Variants in MARCHF3 observed in about 807,000 individuals in gnomAD.
MARCHF3 encodes membrane associated ring-CH-type finger 3, also known as E3 ubiquitin-protein ligase MARCHF3.
In MARCHF3, 13 loss-of-function variants were observed where a neutral mutation model predicts 24.2. The ratio of observed to expected loss-of-function variants is 0.54; its 90% confidence interval spans 0.35 to 0.85. The LOEUF is 0.85. Among genes scored for constraint, MARCHF3 ranks in the 40% least tolerant of loss-of-function variants. The probability of loss-of-function intolerance (pLI) is 0.01; values close to 1 mark genes in which losing one functional copy is unlikely to be tolerated. For synonymous variants in MARCHF3, 144 were observed against 137.3 expected (o/e 1.05, Z -0.34); for missense variants, 276 against 325.0 (o/e 0.85, Z 1.16).
At chr5:126,955,648 T>A (rs1275849427) in intron 1 of MARCHF3, among the ~76,000 whole-genome samples, 1 of 152,214 alleles carries the variant, frequency 6.6e-6, no homozygotes, top group African/African-American at 2.4e-5. Flanking sequence ...CCCATTTCTG[T>A]AGTAAGTTGT....
At chr5:126,917,863 A>C in intron 2 of MARCHF3, 121 bp downstream of exon 2, 1 of 924,770 alleles carries the variant, frequency 1.1e-6, no homozygotes. Context: ...TTTTTTTTCC[A>C]GCACCTCCTC....
chr5:126,921,339 G>A (rs1224528986), intron 1 of MARCHF3, among the ~76,000 whole-genome samples: 3 of 151,298 alleles, frequency 2.0e-5, no homozygotes, highest in Non-Finnish European at 4.4e-5. Flanking sequence ...CTCAGGTGGC[G>A]GAGGAGGAAA....
intron 1 of MARCHF3, among the ~76,000 whole-genome samples, chr5:126,924,508 G>T (rs182429506): frequency 6.6e-6 from 1 of 152,232 alleles, no homozygotes; most frequent in Non-Finnish European, 1.5e-5. Context: ...TAGGGATGCC[G>T]CTCTTTGATA....
intron 3 of MARCHF3, among the ~76,000 whole-genome samples, chr5:126,911,430 G>T (rs1754528061): frequency 1.3e-5 from 2 of 152,098 alleles, no homozygotes; most frequent in African/African-American, 4.8e-5. Flanking sequence ...TTCTCAGACT[G>T]GCCGACACTT....
At chr5:126,877,482 T>C (rs995472368) in intron 4 of MARCHF3, among the ~76,000 whole-genome samples, 16 of 152,176 alleles carry the variant, frequency 1.1e-4, no homozygotes, top group African/African-American at 3.6e-4. Context: ...TTGTGGGTGC[T>C]GTCAACTGGT....
At chr5:126,908,695 T>C (rs931860803) in intron 3 of MARCHF3, among the ~76,000 whole-genome samples, 2 of 150,602 alleles carry the variant, frequency 1.3e-5, no homozygotes, top group Admixed American at 6.6e-5. Flanking sequence ...CACTTCTCTG[T>C]ATTGGTTATT....
At chr5:126,892,820 G>A (rs1301105056) in intron 3 of MARCHF3, among the ~76,000 whole-genome samples, 2 of 150,900 alleles carry the variant, frequency 1.3e-5, no homozygotes, top group African/African-American at 2.5e-5. Flanking sequence ...AGTTAGGGAG[G>A]ATTCCCTCTT....
chr5:126,921,818 A>G (rs1361142937), intron 1 of MARCHF3, among the ~76,000 whole-genome samples: 1 of 152,210 alleles, frequency 6.6e-6, no homozygotes, highest in Non-Finnish European at 1.5e-5. Context: ...GCTGAGAATA[A>G]AACATGATTT....
At chr5:126,958,060 G>T (rs1750505820) in intron 1 of MARCHF3, among the ~76,000 whole-genome samples, 1 of 151,926 alleles carries the variant, frequency 6.6e-6, no homozygotes, top group African/African-American at 2.4e-5. Flanking sequence ...GAAAGCTATT[G>T]ATTTTAGTTT....
chr5:126,978,333 G>A (rs972217125), intron 1 of MARCHF3, among the ~76,000 whole-genome samples: 1 of 152,144 alleles, frequency 6.6e-6, no homozygotes, highest in Non-Finnish European at 1.5e-5. Context: ...CCGATAATTA[G>A]GTCCCATGCA....
chr5:126,944,209 G>T (rs1749932843), intron 1 of MARCHF3, among the ~76,000 whole-genome samples: 1 of 152,154 alleles, frequency 6.6e-6, no homozygotes, highest in Admixed American at 6.5e-5. Context: ...CCTTTCCCAA[G>T]ATACTGTCAG....
chr5:126,929,484 A>G (rs1031856760), intron 1 of MARCHF3, among the ~76,000 whole-genome samples: 1 of 152,246 alleles, frequency 6.6e-6, no homozygotes, highest in Admixed American at 6.5e-5. Context: ...CTATCCAATT[A>G]TGCTTTTCCA....
intron 3 of MARCHF3, among the ~76,000 whole-genome samples, chr5:126,879,227 C>T (rs1433910386): frequency 6.6e-6 from 1 of 152,182 alleles, no homozygotes; most frequent in Non-Finnish European, 1.5e-5. Flanking sequence ...CTGGACTTCA[C>T]CCCATGCACC....
At chr5:126,965,021 T>TG (rs2126824962) in intron 1 of MARCHF3, among the ~76,000 whole-genome samples, 1 of 101,508 alleles carries the variant, frequency 9.9e-6, no homozygotes, top group South Asian at 2.9e-4. Flanking sequence ...ATGTTCTTAG[T>TG]AAAAAAAAAA....
At chr5:126,873,303 A>G (rs1753034796) in intron 4 of MARCHF3, among the ~76,000 whole-genome samples, 1 of 152,176 alleles carries the variant, frequency 6.6e-6, no homozygotes, top group Non-Finnish European at 1.5e-5. Context: ...AACACCTAGC[A>G]CAGGGCACAG....
At chr5:126,966,678 A>G (rs559217212) in intron 1 of MARCHF3, among the ~76,000 whole-genome samples, 1 of 152,072 alleles carries the variant, frequency 6.6e-6, no homozygotes, top group Admixed American at 6.5e-5. Flanking sequence ...TTACTTCCAT[A>G]TACCTTAAAT....
At chr5:126,916,019 A>G (rs750072408) in intron 2 of MARCHF3, among the ~76,000 whole-genome samples, 6 of 152,246 alleles carry the variant, frequency 3.9e-5, no homozygotes, top group East Asian at 1.9e-4. Flanking sequence ...GTGAAAAGAT[A>G]GCCCAGATTA....
chr5:126,926,187 G>A (rs1267356080), intron 1 of MARCHF3, among the ~76,000 whole-genome samples: 1 of 152,166 alleles, frequency 6.6e-6, no homozygotes, highest in Non-Finnish European at 1.5e-5. Flanking sequence ...GCCTCCAGAA[G>A]CCTAGAATAA....
intron 1 of MARCHF3, among the ~76,000 whole-genome samples, chr5:126,973,522 T>C (rs975242377): frequency 1.3e-5 from 2 of 152,202 alleles, no homozygotes; most frequent in Admixed American, 1.3e-4. Context: ...TCAGACCACA[T>C]CTGAGCTCAC....
Sources: gnomAD v4.1 joint callset for allele counts (sites outside exome capture counted in the v4.1 genomes callset) on GRCh38, gnomAD v4.1.1 for gene constraint, MANE v1.5 for transcripts, NCBI Gene and HGNC (gene_info 2026-07-23, HGNC 2026-07-21) for gene names.